NOTCH2NLB: variants seen among roughly 807,000 people sequenced by gnomAD.
NOTCH2NLB encodes the protein notch 2 N-terminal like B.
A neutral mutation model predicts 14.8 loss-of-function variants in NOTCH2NLB; 1 was observed. The ratio of observed to expected loss-of-function variants is 0.07; its 90% confidence interval spans 0.02 to 0.32. The LOEUF is 0.32. Ranked by LOEUF, NOTCH2NLB falls within the 10% of genes least tolerant of loss-of-function variation. The probability of loss-of-function intolerance (pLI) is 1.00; values close to 1 mark genes in which losing one functional copy is unlikely to be tolerated. For missense variants in NOTCH2NLB, 11 were observed against 155.0 expected (o/e 0.07, Z 4.93); for synonymous variants, 6 against 57.5 (o/e 0.10, Z 4.05).
rs1192507482 is a variant in NOTCH2NLB at position 148,628,224 on chromosome 1, C to T, written c.77+11792G>A. ...TTTCATCGGTTGTTGATAAGACTGA[C>T]TACATAAACCACCAGGGACCTGGAG... On this transcript the variant is annotated intron_variant, in intron 2 of 4. Transcript: ENST00000593495. 4.0e-3 allele frequency among the ~76,000 whole-genome samples: 516 copies of T among 128,592 alleles called. 78 individuals are homozygous for T. Among genetic ancestry groups the T allele is most frequent in the African/African-American group, 0.017 (478 of 28,634 alleles). 84.4% of individuals were successfully genotyped at this position (128,592 alleles called of 152,430 possible). A position where few individuals can be genotyped will look rare whatever the true frequency, so the allele number is the denominator to read the frequency against.
chr1:148,637,633 G>A (rs1480106073), intron 2 of NOTCH2NLB, among the ~76,000 whole-genome samples: 3 of 146,358 alleles, frequency 2.0e-5, no homozygotes, highest in Non-Finnish European at 4.5e-5. Flanking sequence ...GTGCAGGTTT[G>A]TTTCATAGGT....
At chr1:148,699,993 G>T in the NOTCH2NLB span, among the ~76,000 whole-genome samples, 8 of 91,170 alleles carry the variant, frequency 8.8e-5, 4 homozygotes, top group Non-Finnish European at 1.5e-4. Context: ...ATTAAGCCCA[G>T]TATCCATTAG....
chr1:148,638,115 G>A (rs1365986700), intron 2 of NOTCH2NLB, among the ~76,000 whole-genome samples: 3 of 148,570 alleles, frequency 2.0e-5, no homozygotes, highest in Non-Finnish European at 4.5e-5. Flanking sequence ...CTCAGTAATG[G>A]GATTGCTGGG....
chr1:148,679,358 G>A, intron 1 of NOTCH2NLB, 104 bp downstream of exon 1: 1 of 569,022 alleles, frequency 1.8e-6, no homozygotes, highest in Non-Finnish European at 2.3e-6. Context: ...CGCGCCGGCG[G>A]CCGAGCCTGG....
At chr1:148,661,668 G>A (rs1664690421) in intron 1 of NOTCH2NLB, among the ~76,000 whole-genome samples, 2 of 148,480 alleles carry the variant, frequency 1.3e-5, no homozygotes, top group South Asian at 4.3e-4. Flanking sequence ...TCTTCTTAGT[G>A]AAAGAGATGT....
rs1321742520 is a variant in NOTCH2NLB, at chr1:148,660,555, A to G, written c.3+18907T>C. The stretch of plus-strand genomic sequence containing the variant: ...TCATGGGGTCTCTGTCTCAGTCTCC[A>G]CAAATAAAAACATGGCCTTGTCTCT... On this transcript the variant is annotated intron_variant, in intron 1 of 4. Transcript: ENST00000593495. 2.1e-5 allele frequency among the ~76,000 whole-genome samples: 3 copies of G among 145,324 alleles called. 1 individual carries two copies. Among genetic ancestry groups the G allele is most frequent in the Non-Finnish European group, 4.6e-5 (3 of 64,882 alleles).
chr1:148,699,876 C>T, the NOTCH2NLB span, among the ~76,000 whole-genome samples: 3 of 57,138 alleles, frequency 5.3e-5, no homozygotes, highest in South Asian at 8.8e-4. Flanking sequence ...TTTTTTTTTT[C>T]CTTCAACTTT....
chr1:148,708,140 G>A, the NOTCH2NLB span, among the ~76,000 whole-genome samples: 3 of 56,180 alleles, frequency 5.3e-5, no homozygotes, highest in Non-Finnish European at 9.8e-5. Context: ...ATATTAAATA[G>A]GCTGTAGAAA....
chr1:148,661,304 A>T (rs1461166545), intron 1 of NOTCH2NLB, among the ~76,000 whole-genome samples: 2 of 149,606 alleles, frequency 1.3e-5, no homozygotes, highest in East Asian at 3.9e-4. Flanking sequence ...TTATAAAAAA[A>T]GTTTTGAAAA....
chr1:148,673,634 T>C (rs1664793948), intron 1 of NOTCH2NLB, among the ~76,000 whole-genome samples: 1 of 146,810 alleles, frequency 6.8e-6, no homozygotes, highest in Admixed American at 6.8e-5. Flanking sequence ...AAATGCTGGA[T>C]TTCGCAAATT....
rs1218068225 is a variant in NOTCH2NLB at position 148,679,590 on chromosome 1, G to A, written c.-126C>T. 33 of 1,098,136 alleles carry A rather than the reference G, an allele frequency of 3.0e-5. 7 individuals are homozygous for A. Among genetic ancestry groups the A allele is most frequent in the East Asian group, 2.9e-4 (5 of 17,266 alleles). The allele number at this position is 1,098,136 out of a possible 1,614,324, so 68.0% of individuals were successfully genotyped here. A position where few individuals can be genotyped will look rare whatever the true frequency, so the allele number is the denominator to read the frequency against. Reference sequence around the variant, plus strand: ...CTGGGCAGATCCACATGGGGAGGGGGTCCCGATAGAGGAGCCCCACTCTCT... The same window carrying A: ...CTGGGCAGATCCACATGGGGAGGGGATCCCGATAGAGGAGCCCCACTCTCT... On this transcript the variant is annotated 5_prime_UTR_variant, in exon 1 of 5. Transcript: ENST00000593495.
rs1434638333 is a variant in NOTCH2NLB, at chr1:148,635,499, CT to C, written c.77+4516del. 1.1e-3 allele frequency among the ~76,000 whole-genome samples: 26 copies of C among 23,008 alleles called. No individual in the cohort carries two copies. The South Asian group carries it at 0.065, about 58-fold the overall frequency. 15.1% of individuals were successfully genotyped at this position (23,008 alleles called of 152,430 possible). ...CTCAGGGCTTGGTAGGCCCCTCACACTTTCCACTGAACCCCTAGAAGGGTCA... is the reference window on the plus strand; with the variant it reads ...CTCAGGGCTTGGTAGGCCCCTCACACTTCCACTGAACCCCTAGAAGGGTCA... On this transcript the variant is annotated intron_variant, in intron 2 of 4. Transcript: ENST00000593495.
chr1:148,688,097 AC>A, the NOTCH2NLB span, among the ~76,000 whole-genome samples: 1,103 of 42,160 alleles, frequency 0.026, 14 homozygotes, highest in African/African-American at 0.16. Context: ...AACAACAACA[AC>A]AAAAAAAAAA....
the NOTCH2NLB span, among the ~76,000 whole-genome samples, chr1:148,694,276 C>G: frequency 1.3e-5 from 2 of 151,018 alleles, no homozygotes; most frequent in Admixed American, 6.6e-5. Context: ...CTTCAGCTTT[C>G]CACCCCAACA....
At chr1:148,673,651 A>C (rs1664794813) in intron 1 of NOTCH2NLB, among the ~76,000 whole-genome samples, 1 of 149,690 alleles carries the variant, frequency 6.7e-6, no homozygotes. Flanking sequence ...AATTTCTTTT[A>C]AGACAAAACA....
intron 1 of NOTCH2NLB, among the ~76,000 whole-genome samples, chr1:148,673,861 T>C (rs1346797070): frequency 1.0e-5 from 1 of 98,860 alleles, no homozygotes; most frequent in Admixed American, 1.0e-4. Context: ...AAAACTTTCC[T>C]AATGTAAGAA....
chr1:148,651,144 GAAAAAAAAAAA>G (rs1159790526), intron 1 of NOTCH2NLB, among the ~76,000 whole-genome samples: 1 of 76,510 alleles, frequency 1.3e-5, no homozygotes, highest in African/African-American at 5.5e-5. Context: ...CTCTGCCTGA[GAAAAAAAAAAA>G]AAAAAAAATA....
chr1:148,661,697 AT>A (rs1384392325), intron 1 of NOTCH2NLB, among the ~76,000 whole-genome samples: 7 of 146,452 alleles, frequency 4.8e-5, no homozygotes, highest in African/African-American at 1.7e-4. Context: ...GATGTGCTAG[AT>A]AAAAGTGGCC....
intron 1 of NOTCH2NLB, among the ~76,000 whole-genome samples, chr1:148,655,964 G>GGT (rs1664533194): frequency 7.4e-6 from 1 of 135,210 alleles, no homozygotes; most frequent in African/African-American, 2.9e-5. Context: ...TGCAAAATTA[G>GGT]GTGTGTGTAT....
Sources: gnomAD v4.1 joint callset for allele counts (sites outside exome capture counted in the v4.1 genomes callset) on GRCh38, gnomAD v4.1.1 for gene constraint, MANE v1.5 for transcripts, NCBI Gene and HGNC (gene_info 2026-07-23, HGNC 2026-07-21) for gene names.